The following PKP4 variants were observed in gnomAD, a reference collection of about 807,000 sequenced individuals.
PKP4 encodes the protein plakophilin 4, also known as plakophilin-4.
In PKP4, 90 loss-of-function variants were observed where a neutral mutation model predicts 145.1. The ratio of observed to expected loss-of-function variants is 0.62; its 90% CI spans 0.52 to 0.74. The LOEUF is 0.74. Ranked by LOEUF, PKP4 falls within the 30% of genes least tolerant of loss-of-function variation. PKP4 has a pLI of 0.00. For missense variants in PKP4, 1,340 were observed against 1,482.7 expected (o/e 0.90, Z 1.58); for synonymous variants, 563 against 577.2 (o/e 0.98, Z 0.35).
chr2:158,614,762 G>A (rs1412489553), intron 4 of PKP4, among the ~76,000 whole-genome samples: 1 of 152,084 alleles, frequency 6.6e-6, no homozygotes, highest in Non-Finnish European at 1.5e-5. Context: ...ATATAAACAT[G>A]CCAAATATTT....
intron 3 of PKP4, among the ~76,000 whole-genome samples, chr2:158,586,689 A>T (rs1460582742): frequency 6.6e-6 from 1 of 152,226 alleles, no homozygotes; most frequent in African/African-American, 2.4e-5. Flanking sequence ...TCTGAAAGAT[A>T]CCAAATGAGT....
chr2:158,502,635 T>A (rs1161067848), intron 1 of PKP4, among the ~76,000 whole-genome samples: 1 of 152,200 alleles, frequency 6.6e-6, no homozygotes, highest in Non-Finnish European at 1.5e-5. Flanking sequence ...TTCTTTCCAG[T>A]CCTGTAGCAC....
intron 11 of PKP4, among the ~76,000 whole-genome samples, chr2:158,652,684 C>A (rs948132522): frequency 1.3e-5 from 2 of 152,118 alleles, no homozygotes; most frequent in African/African-American, 4.8e-5. Context: ...AGAATGTTTG[C>A]AGGGTGGTTC....
intron 15 of PKP4, among the ~76,000 whole-genome samples, chr2:158,664,757 G>A (rs959391417): frequency 2.0e-5 from 3 of 152,206 alleles, no homozygotes; most frequent in Non-Finnish European, 1.5e-5. Flanking sequence ...TCTGCTTACC[G>A]TCTGGCAGCC....
At position 158,680,869 on chromosome 2, in the gene PKP4, C is replaced by A; in HGVS notation, c.*192C>A. 1 of 563,266 alleles carries A rather than the reference C, an allele frequency of 1.8e-6. No individual in the cohort carries two copies. The highest frequency in any genetic ancestry group is 2.4e-5 in the South Asian group (1 of 40,868). 34.9% of individuals were successfully genotyped at this position (563,266 alleles called of 1,614,324 possible). ...TGTTTGGGAGAGGACTTTCTAAGCT[C>A]TATTTAGGTGTTAGATCTAATTACT... On this transcript the variant is annotated 3_prime_UTR_variant, in exon 22 of 22. Transcript: ENST00000389759.
chr2:158,614,895 G>A (rs2051448699), intron 4 of PKP4, among the ~76,000 whole-genome samples: 1 of 151,732 alleles, frequency 6.6e-6, no homozygotes, highest in South Asian at 2.1e-4. Flanking sequence ...CAGAGCCTTC[G>A]ATCCTCAATT....
At chr2:158,616,618 A>G (rs2051648468) in intron 4 of PKP4, among the ~76,000 whole-genome samples, 1 of 152,080 alleles carries the variant, frequency 6.6e-6, no homozygotes, top group Admixed American at 6.5e-5. Context: ...AGTCCTGCCA[A>G]AACTCACACC....
chr2:158,460,782 C>T (rs1437754747), intron 1 of PKP4, among the ~76,000 whole-genome samples: 1 of 152,164 alleles, frequency 6.6e-6, no homozygotes, highest in African/African-American at 2.4e-5. Context: ...TTTGCCTTCA[C>T]GCCTTCAAGT....
chr2:158,660,723 T>G (rs1319162284), intron 12 of PKP4: 1 of 152,216 alleles, frequency 6.6e-6, no homozygotes, highest in Non-Finnish European at 1.5e-5. Flanking sequence ...TCAGAAAAGT[T>G]TTAGCATAAG....
At chr2:158,552,233 C>T (rs972644524) in intron 2 of PKP4, among the ~76,000 whole-genome samples, 1 of 152,218 alleles carries the variant, frequency 6.6e-6, no homozygotes, top group Non-Finnish European at 1.5e-5. Context: ...AGAGGTTTTT[C>T]CCTACAGCCT....
At chr2:158,529,481 C>G (rs1395761421) in intron 1 of PKP4, among the ~76,000 whole-genome samples, 1 of 152,192 alleles carries the variant, frequency 6.6e-6, no homozygotes, top group African/African-American at 2.4e-5. Context: ...ATGACTGGAT[C>G]CCTTTAACAC....
At chr2:158,607,988 A>G (rs2050793613) in intron 4 of PKP4, among the ~76,000 whole-genome samples, 1 of 152,222 alleles carries the variant, frequency 6.6e-6, no homozygotes, top group African/African-American at 2.4e-5. Flanking sequence ...AAGACCTACT[A>G]TTTGATAGCA....
At chr2:158,463,036 A>G (rs1690015646) in intron 1 of PKP4, among the ~76,000 whole-genome samples, 1 of 152,234 alleles carries the variant, frequency 6.6e-6, no homozygotes, top group African/African-American at 2.4e-5. Context: ...CAAAATGATT[A>G]TGGATTTCAA....
intron 1 of PKP4, among the ~76,000 whole-genome samples, chr2:158,461,854 C>T (rs1689823108): frequency 6.6e-6 from 1 of 152,332 alleles, no homozygotes; most frequent in Non-Finnish European, 1.5e-5. Context: ...TATGCCATCA[C>T]CACATCTGTG....
chr2:158,582,775 G>C (rs1433575945), intron 3 of PKP4, among the ~76,000 whole-genome samples: 1 of 152,154 alleles, frequency 6.6e-6, no homozygotes, highest in East Asian at 1.9e-4. Context: ...AATATAAATG[G>C]ATGGAATAGC....
chr2:158,653,553 G>A (rs771126289), intron 11 of PKP4, among the ~76,000 whole-genome samples: 7 of 152,210 alleles, frequency 4.6e-5, no homozygotes, highest in East Asian at 1.9e-4. Flanking sequence ...AATAAGCAGC[G>A]TTTTCTACAA....
Position 158,640,664 on chromosome 2 carries a change from A to G in PKP4, c.1600A>G (p.Ile534Val). Reference protein sequence around the residue: ...AWRDPELPEVIHMLQHQFPSV... With the variant: ...AWRDPELPEVVHMLQHQFPSV... Reference sequence around the variant, plus strand: ...GCGTGATCCTGAGTTGCCTGAGGTCATTCACATGCTTCAGCACCAGTTCCC... The same window carrying G: ...GCGTGATCCTGAGTTGCCTGAGGTCGTTCACATGCTTCAGCACCAGTTCCC... The change falls in exon 10 of 22, where the codon ATT becomes GTT. Residue 534 changes from isoleucine (I) to valine (V), a missense_variant. Ile to Val is a conservative substitution (Grantham distance 29). Transcript: ENST00000389759. The G allele has an allele frequency of 6.2e-7, 1 of 1,613,890 alleles. No homozygotes were observed. The highest frequency in any genetic ancestry group is 8.5e-7 in the Non-Finnish European group (1 of 1,179,974).
intron 1 of PKP4, among the ~76,000 whole-genome samples, chr2:158,458,860 C>T (rs1306111852): frequency 6.6e-6 from 1 of 151,640 alleles, no homozygotes; most frequent in Non-Finnish European, 1.5e-5. Context: ...ACGGGGACAC[C>T]ACAATCATGT....
intron 4 of PKP4, among the ~76,000 whole-genome samples, chr2:158,613,162 T>C (rs1302475505): frequency 6.6e-6 from 1 of 152,114 alleles, no homozygotes; most frequent in Admixed American, 6.5e-5. Context: ...AAAGTCTGAG[T>C]TGGGAACCAG....
Sources: allele counts gnomAD v4.1 joint callset (sites outside exome capture counted in the v4.1 genomes callset), GRCh38; gene constraint gnomAD v4.1.1; transcripts MANE v1.5; gene names NCBI Gene and HGNC (gene_info 2026-07-23, HGNC 2026-07-21).